KIAA0825: variants seen among roughly 807,000 people sequenced by gnomAD.
KIAA0825 encodes the protein KIAA0825.
In KIAA0825, 119 loss-of-function variants were observed where a neutral mutation model predicts 147.6. That is an observed-to-expected ratio of 0.81 (90% CI 0.69 to 0.94). The LOEUF is 0.94. Among genes scored for constraint, KIAA0825 ranks in the 40% least tolerant of loss-of-function variants. The pLI is 0.00. For missense variants in KIAA0825, 1,381 were observed against 1,472.7 expected, an observed-to-expected ratio of 0.94 and a Z score of 1.02; for synonymous variants, 470 against 518.1, an observed-to-expected ratio of 0.91 and a Z score of 1.26.
rs532225508 is a variant in KIAA0825 at position 94,375,932 on chromosome 5, A to T, written c.3710+8436T>A. Among the ~76,000 whole-genome samples, 4 of 152,332 alleles carry T rather than the reference A, an allele frequency of 2.6e-5. No homozygotes were observed. In the East Asian group the frequency reaches 7.7e-4, roughly 29 times the overall value. Reference sequence around the variant, plus strand: ...ATTTAATAGATGTTCAAAAATGTTGAATGAGGAAAGTAAGCAAAGCATTAT... The same window carrying T: ...ATTTAATAGATGTTCAAAAATGTTGTATGAGGAAAGTAAGCAAAGCATTAT... On this transcript the variant is annotated intron_variant, in intron 20 of 20. Transcript: ENST00000682413.
intron 1 of KIAA0825, chr5:94,593,091 A>T: frequency 1.4e-6 from 1 of 724,834 alleles, no homozygotes; most frequent in Non-Finnish European, 2.6e-6. Context: ...CTACAAATAA[A>T]TTCAAATTAA....
intron 20 of KIAA0825, among the ~76,000 whole-genome samples, chr5:94,343,587 G>T (rs919915659): frequency 1.3e-5 from 2 of 152,164 alleles, no homozygotes; most frequent in Non-Finnish European, 2.9e-5. Context: ...TACTGGGGAG[G>T]CTGAGGCAGG....
intron 20 of KIAA0825, among the ~76,000 whole-genome samples, chr5:94,226,959 C>A (rs1249479867): frequency 6.6e-6 from 1 of 152,118 alleles, no homozygotes; most frequent in Non-Finnish European, 1.5e-5. Flanking sequence ...GGACTGTAAA[C>A]TAGTTCAACC....
At chr5:94,336,132 G>T (rs915609285) in intron 20 of KIAA0825, among the ~76,000 whole-genome samples, 1 of 152,096 alleles carries the variant, frequency 6.6e-6, no homozygotes. Context: ...CACTTAGGGA[G>T]GCTGAGGCGG....
rs376335656 is a variant in KIAA0825 at position 94,471,774 on chromosome 5, C to T, written c.1456-43G>A. Reference sequence around the variant, plus strand: ...TGGCACTGAGTTATTTGTATTCTGACAGCACCAAGTAATTTATGGACAGTG... The same window carrying T: ...TGGCACTGAGTTATTTGTATTCTGATAGCACCAAGTAATTTATGGACAGTG... On this transcript the variant is annotated intron_variant, in intron 8 of 20. Coordinates refer to ENST00000682413, the MANE Select transcript of KIAA0825 (RefSeq NM_001145678.3). 71 of 1,536,202 alleles carry T rather than the reference C, an allele frequency of 4.6e-5. No homozygotes were observed. In the African/African-American group the frequency reaches 7.8e-4, roughly 17 times the overall value.
chr5:94,456,442 A>G (rs1429970803), intron 12 of KIAA0825, among the ~76,000 whole-genome samples: 4 of 152,122 alleles, frequency 2.6e-5, no homozygotes, highest in Non-Finnish European at 5.9e-5. Flanking sequence ...TTGTTTTTAT[A>G]GGATTTAACT....
chr5:94,424,845 G>C (rs1180883065), intron 14 of KIAA0825, among the ~76,000 whole-genome samples: 1 of 152,144 alleles, frequency 6.6e-6, no homozygotes, highest in African/African-American at 2.4e-5. Flanking sequence ...AAGATCATCA[G>C]AGATTATTAT....
At chr5:94,509,622 A>C (rs575255015) in intron 5 of KIAA0825, among the ~76,000 whole-genome samples, 1 of 152,222 alleles carries the variant, frequency 6.6e-6, no homozygotes, top group Non-Finnish European at 1.5e-5. Flanking sequence ...AATAAAGACA[A>C]CATATGTCTC....
intron 20 of KIAA0825, among the ~76,000 whole-genome samples, chr5:94,156,976 A>G (rs1159138168): frequency 6.6e-6 from 1 of 151,072 alleles, no homozygotes; most frequent in Non-Finnish European, 1.5e-5. Flanking sequence ...AAAAACAACA[A>G]GTCAATTCTG....
intron 12 of KIAA0825, among the ~76,000 whole-genome samples, chr5:94,454,954 T>C (rs1434253672): frequency 6.6e-6 from 1 of 151,988 alleles, no homozygotes; most frequent in East Asian, 1.9e-4. Context: ...AATGGGAAGA[T>C]AGAAGGAGAA....
chr5:94,352,358 A>G (rs1783775068), intron 20 of KIAA0825, among the ~76,000 whole-genome samples: 1 of 152,200 alleles, frequency 6.6e-6, no homozygotes, highest in Non-Finnish European at 1.5e-5. Context: ...ACAAATCAAA[A>G]CCACAATGTG....
chr5:94,185,359 T>C (rs773259476), intron 20 of KIAA0825, among the ~76,000 whole-genome samples: 3 of 152,212 alleles, frequency 2.0e-5, no homozygotes, highest in Admixed American at 6.5e-5. Context: ...AGATTATTGA[T>C]GCCTACTTAT....
In KIAA0825 at chr5:94,243,040, A is replaced by G. The variant is rs540832820; in HGVS notation, c.3711-88916T>C. Among the ~76,000 whole-genome samples, 12 of 152,274 alleles carry G rather than the reference A, an allele frequency of 7.9e-5. 1 individual carries two copies. Among genetic ancestry groups the G allele is most frequent in the African/African-American group, 2.4e-4 (10 of 41,542 alleles). On this transcript the variant is annotated intron_variant, in intron 20 of 20. Coordinates refer to ENST00000682413, the MANE Select transcript of KIAA0825 (RefSeq NM_001145678.3). ...GGTAGAAATCCTGTCTCTGACACTT[A>G]CTAGCTGTGTGATTGTGGGCAAGTT...
chr5:94,215,028 C>T (rs1320596780), intron 20 of KIAA0825, among the ~76,000 whole-genome samples: 1 of 152,086 alleles, frequency 6.6e-6, no homozygotes, highest in African/African-American at 2.4e-5. Flanking sequence ...TAATGAAATA[C>T]AGCAGCCAAG....
At chr5:94,465,342 T>A (rs1584574713) in intron 10 of KIAA0825, among the ~76,000 whole-genome samples, 2 of 152,238 alleles carry the variant, frequency 1.3e-5, no homozygotes, top group East Asian at 3.8e-4. Flanking sequence ...AATCTATTTT[T>A]AAACAACTAG....
At chr5:94,577,337 G>A (rs1561342777) in intron 2 of KIAA0825, among the ~76,000 whole-genome samples, 1 of 152,182 alleles carries the variant, frequency 6.6e-6, no homozygotes. Context: ...TCAGGTCATA[G>A]GGTGGACAAA....
chr5:94,220,745 C>T (rs1187820703), intron 20 of KIAA0825, among the ~76,000 whole-genome samples: 2 of 152,098 alleles, frequency 1.3e-5, no homozygotes, highest in African/African-American at 4.8e-5. Context: ...CCTGTGAATC[C>T]TGATTCAGAT....
At chr5:94,457,585 CTG>C (rs1296400051) in intron 12 of KIAA0825, among the ~76,000 whole-genome samples, 2 of 152,208 alleles carry the variant, frequency 1.3e-5, no homozygotes, top group Admixed American at 6.5e-5. Context: ...CGCCAGCACT[CTG>C]TCCTAGATTC....
intron 20 of KIAA0825, among the ~76,000 whole-genome samples, chr5:94,348,529 T>G (rs1783268579): frequency 6.6e-6 from 1 of 152,178 alleles, no homozygotes; most frequent in Non-Finnish European, 1.5e-5. Flanking sequence ...GCCAAGAATT[T>G]TGTATCCAGC....
Sources: allele counts gnomAD v4.1 joint callset (sites outside exome capture counted in the v4.1 genomes callset), GRCh38; gene constraint gnomAD v4.1.1; transcripts MANE v1.5; gene names NCBI Gene and HGNC (gene_info 2026-07-23, HGNC 2026-07-21).